Variants in KCNK13 observed in about 807,000 individuals in gnomAD.
KCNK13 encodes potassium channel subfamily K member 13.
In KCNK13, 12 loss-of-function variants were observed where a neutral mutation model predicts 23.4. That is an observed-to-expected ratio of 0.51 (90% CI 0.33 to 0.83). KCNK13 has a LOEUF of 0.83. Among genes scored for constraint, KCNK13 ranks in the 40% least tolerant of loss-of-function variants. The pLI is 0.02. For synonymous variants in KCNK13, 231 were observed against 229.5 expected, an observed-to-expected ratio of 1.01 and a Z score of -0.06; for missense variants, 463 against 556.3, an observed-to-expected ratio of 0.83 and a Z score of 1.69.
chr14:90,165,294 T>G (rs577043385), intron 1 of KCNK13, among the ~76,000 whole-genome samples: 26 of 152,136 alleles, frequency 1.7e-4, no homozygotes, highest in Non-Finnish European at 3.5e-4. Flanking sequence ...GGGAGAGTGC[T>G]GATCAGGGTG....
intron 1 of KCNK13, among the ~76,000 whole-genome samples, chr14:90,085,812 T>TACG (rs1304962970): frequency 5.5e-5 from 1 of 18,066 alleles, no homozygotes; most frequent in Non-Finnish European, 9.4e-5. Context: ...ATATATTATA[T>TACG]TATATATTAT....
At chr14:90,168,136 G>A (rs1890324678) in intron 1 of KCNK13, among the ~76,000 whole-genome samples, 1 of 152,182 alleles carries the variant, frequency 6.6e-6, no homozygotes, top group Non-Finnish European at 1.5e-5. Context: ...CACTTTGGGA[G>A]GCTGAGGCAG....
chr14:90,069,221 G>C (rs375276097), intron 1 of KCNK13, among the ~76,000 whole-genome samples: 3 of 151,948 alleles, frequency 2.0e-5, no homozygotes, highest in African/African-American at 7.2e-5. Flanking sequence ...ATTTTTAGTA[G>C]AGATGAGGTT....
chr14:90,155,831 T>A (rs1383998000), intron 1 of KCNK13, among the ~76,000 whole-genome samples: 1 of 152,164 alleles, frequency 6.6e-6, no homozygotes, highest in Non-Finnish European at 1.5e-5. Context: ...CAGTATTACA[T>A]AGCCAAGTGG....
intron 1 of KCNK13, among the ~76,000 whole-genome samples, chr14:90,103,347 A>C (rs1426527835): frequency 6.6e-6 from 1 of 152,176 alleles, no homozygotes; most frequent in Non-Finnish European, 1.5e-5. Flanking sequence ...TCTTTGAGAA[A>C]TCTCCAAACT....
Position 90,062,251 on chromosome 14 carries a change from G to A in KCNK13, c.46G>A (p.Asp16Asn). ...FSWGPGHLNEDNARFLLLAAL... is the reference protein window; with the variant it reads ...FSWGPGHLNENNARFLLLAAL... ...CTGGGGCCCGGGCCACCTGAACGAG[G>A]ACAACGCGCGCTTTCTGCTGCTGGC... Residue 16 changes from aspartate (D) to asparagine (N), a missense_variant, in exon 1 of 2, where the codon GAC becomes AAC. Physicochemically the swap from Asp to Asn is conservative, Grantham distance 23 (BLOSUM62 1). This residue lies in a region of KCNK13 where 153 missense variants were observed against 153.6 expected (regional missense o/e 1.00). Coordinates refer to ENST00000282146, the MANE Select transcript of KCNK13 (RefSeq NM_022054.4). The surrounding 1 kb of genome is among the most constrained non-coding windows in gnomAD (Gnocchi z 4.5). The A allele has an allele frequency of 6.5e-7, 1 of 1,550,386 alleles. No individual in the cohort carries two copies. The highest frequency in any genetic ancestry group is 8.6e-7 in the Non-Finnish European group (1 of 1,157,656).
At position 90,184,133 on chromosome 14, in the gene KCNK13, G is replaced by A. The variant is rs1187293454; in HGVS notation, c.357G>A (p.Ala119=). The change falls in exon 2 of 2, where the codon GCG becomes GCA. Residue 119 remains alanine, a synonymous_variant. Transcript: ENST00000282146. This position sits in a 1 kb window ranked among gnomAD's most constrained non-coding sequence, Gnocchi z 5.6. ...STIGFGMTTP[A]TVGGKIFLIF... is the part of the protein sequence containing the mutation. ...CAGGGTTTGGGATGACAACTCCGGC[G>A]ACAGTAGGAGGAAAAATCTTTCTGA... 8 of 1,613,122 alleles carry A rather than the reference G, an allele frequency of 5.0e-6. No homozygotes were observed. Among genetic ancestry groups the A allele is most frequent in the South Asian group, 1.1e-5 (1 of 91,058 alleles).
At chr14:90,085,930 T>C (rs1442238008) in intron 1 of KCNK13, among the ~76,000 whole-genome samples, 1 of 148,794 alleles carries the variant, frequency 6.7e-6, no homozygotes, top group Non-Finnish European at 1.5e-5. Flanking sequence ...TTATGCCCTT[T>C]GTCTTGTTTT....
At chr14:90,123,824 G>A (rs1166083080) in intron 1 of KCNK13, among the ~76,000 whole-genome samples, 1 of 152,232 alleles carries the variant, frequency 6.6e-6, no homozygotes, top group East Asian at 1.9e-4. Flanking sequence ...CTGTAGAGAT[G>A]CGGTCTCACT....
chr14:90,160,824 CAA>C (rs1890245067), intron 1 of KCNK13, among the ~76,000 whole-genome samples: 1 of 134,120 alleles, frequency 7.5e-6, no homozygotes, highest in Non-Finnish European at 1.6e-5. Context: ...GCCTGGGTGA[CAA>C]GAGCAAGACT....
intron 1 of KCNK13, among the ~76,000 whole-genome samples, chr14:90,117,716 A>G (rs1411232578): frequency 2.6e-5 from 4 of 152,224 alleles, no homozygotes; most frequent in Admixed American, 6.5e-5. Flanking sequence ...ACTTGTATAC[A>G]ATGAAGTGGT....
At chr14:90,109,409 CTTTTT>C (rs557644405) in intron 1 of KCNK13, among the ~76,000 whole-genome samples, 1 of 123,332 alleles carries the variant, frequency 8.1e-6, no homozygotes. Flanking sequence ...CTTTTCTTTC[CTTTTT>C]TTTTTTTTTT....
At chr14:90,183,977 A>T (rs2140450871) in intron 1 of KCNK13, 134 bp from the exon 2 acceptor site, 1 of 781,066 alleles carries the variant, frequency 1.3e-6, no homozygotes, top group East Asian at 2.6e-5. Flanking sequence ...TCTCCTGCTC[A>T]TTCCTAGAAA....
intron 1 of KCNK13, among the ~76,000 whole-genome samples, chr14:90,164,759 A>C (rs1890284635): frequency 6.6e-6 from 1 of 152,190 alleles, no homozygotes; most frequent in African/African-American, 2.4e-5. Flanking sequence ...GCCATGCTTT[A>C]TTCTTGACAC....
At chr14:90,174,865 A>T (rs1890405666) in intron 1 of KCNK13, among the ~76,000 whole-genome samples, 2 of 152,008 alleles carry the variant, frequency 1.3e-5, no homozygotes, top group South Asian at 4.1e-4. Flanking sequence ...AAAAAATTAA[A>T]TAAATAAATA....
intron 1 of KCNK13, among the ~76,000 whole-genome samples, chr14:90,074,414 T>G (rs577619980): frequency 3.3e-5 from 5 of 152,368 alleles, no homozygotes; most frequent in African/African-American, 1.2e-4. Flanking sequence ...ACACTCACTT[T>G]GACCAGCAGC....
intron 1 of KCNK13, among the ~76,000 whole-genome samples, chr14:90,150,968 G>T (rs1890128479): frequency 6.6e-6 from 1 of 151,914 alleles, no homozygotes; most frequent in Admixed American, 6.6e-5. Flanking sequence ...GATAGAGCAA[G>T]ACCTTGTCTC....
intron 1 of KCNK13, among the ~76,000 whole-genome samples, chr14:90,101,261 C>T (rs1889473457): frequency 6.6e-6 from 1 of 152,150 alleles, no homozygotes; most frequent in African/African-American, 2.4e-5. Context: ...TCTGAAATCG[C>T]TTCTGGCACC....
At chr14:90,145,537 C>A (rs369382359) in intron 1 of KCNK13, among the ~76,000 whole-genome samples, 1 of 151,280 alleles carries the variant, frequency 6.6e-6, no homozygotes, top group Non-Finnish European at 1.5e-5. Flanking sequence ...ATGAGAGATA[C>A]TAGTATGTAC....
Sources: gnomAD v4.1 joint callset for allele counts (sites outside exome capture counted in the v4.1 genomes callset) on GRCh38, gnomAD v4.1.1 for gene constraint, gnomAD v4.1.1 regional missense constraint, Gnocchi (gnomAD v3.1) non-coding constraint, MANE v1.5 for transcripts, NCBI Gene and HGNC (gene_info 2026-07-23, HGNC 2026-07-21) for gene names.